HOMER2: variants seen among roughly 807,000 people sequenced by gnomAD.
HOMER2 encodes the protein homer scaffold protein 2, also known as homer protein homolog 2.
HOMER2 carries 27 observed loss-of-function variants against 47.0 expected under a neutral mutation model. The ratio of observed to expected loss-of-function variants is 0.57; its 90% CI spans 0.42 to 0.79. The LOEUF is 0.79. Among genes scored for constraint, HOMER2 ranks in the 30% least tolerant of loss-of-function variants. The pLI is 0.00. For synonymous variants in HOMER2, 161 were observed against 163.8 expected (o/e 0.98, Z 0.13); for missense variants, 443 against 435.0 (o/e 1.02, Z -0.16).
In HOMER2 at chr15:82,864,234, T is replaced by C. The variant is rs1422054196; in HGVS notation, c.320A>G (p.Lys107Arg). The C allele has an allele frequency of 1.2e-6, 2 of 1,612,482 alleles. No individual in the cohort carries two copies. Among genetic ancestry groups the C allele is most frequent in the Admixed American group, 3.4e-5 (2 of 59,674 alleles). Residue 107 changes from lysine to arginine, a missense_variant, in exon 4 of 9, where the codon AAA (lysine) becomes AGA (arginine). Transcript: ENST00000450735. The part of the protein sequence containing the change: ...TKFAEKFQEV[K>R]EAAKIAKDKT... ...GTCTTTGGCTATCTTGGCAGCTTCT[T>C]TCACCTCCTGGAATTTCTCTGCAAA...
At chr15:82,978,310 C>T (rs2030275696) in intron 1 of HOMER2, among the ~76,000 whole-genome samples, 1 of 152,142 alleles carries the variant, frequency 6.6e-6, no homozygotes, top group Admixed American at 6.5e-5. Context: ...TGGATGTAAA[C>T]AAATTACAAT....
intron 1 of HOMER2, among the ~76,000 whole-genome samples, chr15:82,907,209 T>C (rs2053311990): frequency 1.3e-5 from 2 of 151,950 alleles, no homozygotes; most frequent in Admixed American, 6.6e-5. Context: ...TACAAAAAAC[T>C]AGCTGGGCAT....
chr15:82,946,584 CCTT>C (rs2054387318), intron 1 of HOMER2, among the ~76,000 whole-genome samples: 1 of 152,180 alleles, frequency 6.6e-6, no homozygotes, highest in African/African-American at 2.4e-5. Context: ...TTTAATGCCT[CCTT>C]CTCAGTGAAG....
chr15:82,914,178 T>TACACACACAC lies in HOMER2; in HGVS notation c.6-21347_6-21338dup, dbSNP rs58323062. Among the ~76,000 whole-genome samples the TACACACACAC allele has an allele frequency of 1.4e-3, 167 of 116,804 alleles. 2 individuals carry two copies. Among genetic ancestry groups the TACACACACAC allele is most frequent in the African/African-American group, 4.8e-3 (140 of 29,190 alleles). The allele number at this position is 116,804 out of a possible 152,430, so 76.6% of individuals were successfully genotyped here. A position where few individuals can be genotyped will look rare whatever the true frequency, so the allele number is the denominator to read the frequency against. On this transcript the variant is annotated intron_variant, in intron 1 of 8. Transcript: ENST00000450735. The stretch of plus-strand genomic sequence containing the variant: ...GGTGAAACCCCATCTCTACTAAAAA[T>TACACACACAC]ACACACACACACACACACACACACA...
chr15:82,904,405 G>T (rs566107795), intron 1 of HOMER2, among the ~76,000 whole-genome samples: 1 of 152,318 alleles, frequency 6.6e-6, no homozygotes, highest in African/African-American at 2.4e-5. Flanking sequence ...CCAATCATAG[G>T]GGGGCCTGCC....
chr15:82,952,771 C>T (rs1273168494), upstream of HOMER2: 1 of 910,658 alleles, frequency 1.1e-6, no homozygotes, highest in East Asian at 1.2e-4. Context: ...GCCCCGCCCT[C>T]CCCAGCCGCT....
intron 1 of HOMER2, among the ~76,000 whole-genome samples, chr15:82,914,669 T>C (rs2053537462): frequency 1.3e-5 from 2 of 152,204 alleles, no homozygotes; most frequent in Non-Finnish European, 2.9e-5. Context: ...ATAAGCTTAA[T>C]GCCACTGAAC....
chr15:82,962,364 C>CAAA (rs34651312), intron 1 of HOMER2, among the ~76,000 whole-genome samples: 3 of 44,258 alleles, frequency 6.8e-5, no homozygotes, highest in African/African-American at 7.8e-5. Flanking sequence ...GACTCCGTCT[C>CAAA]AAAAAAAAAA....
chr15:82,953,968 C>T (rs935889320), upstream of HOMER2, among the ~76,000 whole-genome samples: 1 of 151,894 alleles, frequency 6.6e-6, no homozygotes, highest in African/African-American at 2.4e-5. Context: ...CCCAGCTACT[C>T]GGGAGGCTTG....
At chr15:82,972,020 G>A (rs1016542445) in intron 1 of HOMER2, among the ~76,000 whole-genome samples, 10 of 152,240 alleles carry the variant, frequency 6.6e-5, no homozygotes, top group South Asian at 2.1e-4. Context: ...GCTTGCTAGC[G>A]TCCTCCCTTC....
intron 2 of HOMER2, 114 bp from the exon 3 acceptor site, chr15:82,875,518 G>A (rs2052320429): frequency 4.5e-6 from 5 of 1,101,506 alleles, no homozygotes; most frequent in Non-Finnish European, 6.5e-6. Context: ...CCTCTGCCCT[G>A]TTAAATTTGG....
At chr15:82,907,024 C>T (rs1221873560) in intron 1 of HOMER2, among the ~76,000 whole-genome samples, 2 of 152,144 alleles carry the variant, frequency 1.3e-5, no homozygotes, top group African/African-American at 2.4e-5. Flanking sequence ...GAATCCACTA[C>T]TATAGTTGGA....
In HOMER2 at chr15:82,849,563, A is replaced by C. The variant is rs1315359544; in HGVS notation, c.*152T>G. On this transcript the variant is annotated 3_prime_UTR_variant, in exon 9 of 9. Transcript: ENST00000450735. ...GAAGCGAGAGGAGATTTCTATTCTG[A>C]AAAGGAGTGAGTGGACGGCACAACT... The C allele has an allele frequency of 1.6e-6, 1 of 635,034 alleles. No homozygotes were observed. The highest frequency in any genetic ancestry group is 1.8e-5 in the African/African-American group (1 of 54,560). The allele number at this position is 635,034 out of a possible 1,614,324, so 39.3% of individuals were successfully genotyped here. A position where few individuals can be genotyped will look rare whatever the true frequency, so the allele number is the denominator to read the frequency against.
intron 1 of HOMER2, among the ~76,000 whole-genome samples, chr15:82,903,966 G>A (rs951160297): frequency 6.6e-6 from 1 of 152,016 alleles, no homozygotes; most frequent in Admixed American, 6.5e-5. Context: ...GCAAAACCCC[G>A]TTTCTACTAA....
chr15:82,856,287 A>G (rs1217492953), intron 5 of HOMER2, among the ~76,000 whole-genome samples: 2 of 152,144 alleles, frequency 1.3e-5, no homozygotes, highest in African/African-American at 4.8e-5. Context: ...AAACATTTTC[A>G]CCCAGGCAGC....
chr15:82,943,339 T>A (rs917995106), intron 1 of HOMER2, among the ~76,000 whole-genome samples: 5 of 152,170 alleles, frequency 3.3e-5, no homozygotes, highest in African/African-American at 1.2e-4. Flanking sequence ...CAACCAACGG[T>A]GCTCCATGAC....
At chr15:82,882,603 G>A (rs1301389122) in intron 2 of HOMER2, among the ~76,000 whole-genome samples, 2 of 152,216 alleles carry the variant, frequency 1.3e-5, no homozygotes, top group Non-Finnish European at 2.9e-5. Flanking sequence ...ATAAAGAACA[G>A]GTCTGAGTAC....
upstream of HOMER2, among the ~76,000 whole-genome samples, chr15:82,957,169 C>A (rs1326861061): frequency 6.6e-6 from 1 of 151,648 alleles, no homozygotes; most frequent in African/African-American, 2.4e-5. Flanking sequence ...CCCAGCTACT[C>A]GGGAGGCTGA....
intron 1 of HOMER2, among the ~76,000 whole-genome samples, chr15:82,929,630 C>T (rs1945397571): frequency 7.0e-6 from 1 of 142,022 alleles, no homozygotes; most frequent in African/African-American, 2.7e-5. Flanking sequence ...CACACTCCAG[C>T]CTGGGTGACA....
Sources: gnomAD v4.1 joint callset for allele counts (sites outside exome capture counted in the v4.1 genomes callset) on GRCh38, gnomAD v4.1.1 for gene constraint, MANE v1.5 for transcripts, NCBI Gene and HGNC (gene_info 2026-07-23, HGNC 2026-07-21) for gene names.